Variants in ZNF277 observed in about 807,000 individuals in gnomAD.
ZNF277 encodes the protein zinc finger protein 277.
A neutral mutation model predicts 60.7 loss-of-function variants in ZNF277; 55 were observed. That is an observed-to-expected ratio of 0.91 (90% CI 0.73 to 1.13). The LOEUF (loss-of-function observed/expected upper bound fraction) is 1.13. Ranked by LOEUF, ZNF277 falls within the 50% of genes most tolerant of loss-of-function variation. The probability of loss-of-function intolerance (pLI) is 0.00; values close to 1 mark genes in which losing one functional copy is unlikely to be tolerated. For missense variants in ZNF277, 510 were observed against 523.0 expected (o/e 0.98, Z 0.24); for synonymous variants, 178 against 179.3 (o/e 0.99, Z 0.06).
chr7:112,218,216 A>T (rs1821937180), intron 1 of ZNF277, among the ~76,000 whole-genome samples: 1 of 152,234 alleles, frequency 6.6e-6, no homozygotes, highest in African/African-American at 2.4e-5. Context: ...AAGGAATGAC[A>T]AGATCAAAGT....
chr7:112,251,265 C>G (rs541894544), intron 1 of ZNF277, among the ~76,000 whole-genome samples: 1 of 152,224 alleles, frequency 6.6e-6, no homozygotes, highest in Non-Finnish European at 1.5e-5. Context: ...GCCTAAGATC[C>G]AAGGAGCCTC....
chr7:112,302,188 G>A (rs1339694343), intron 4 of ZNF277, among the ~76,000 whole-genome samples: 4 of 151,876 alleles, frequency 2.6e-5, no homozygotes, highest in East Asian at 1.9e-4. Flanking sequence ...AAGTTTTAAC[G>A]TATATAACAA....
intron 2 of ZNF277, among the ~76,000 whole-genome samples, chr7:112,295,650 A>C (rs542557056): frequency 6.6e-6 from 1 of 152,212 alleles, no homozygotes; most frequent in South Asian, 2.1e-4. Flanking sequence ...AGTCATTTTC[A>C]TGCCCTTACA....
At chr7:112,286,346 C>A (rs974469359) in intron 1 of ZNF277, among the ~76,000 whole-genome samples, 3 of 152,158 alleles carry the variant, frequency 2.0e-5, no homozygotes, top group Non-Finnish European at 2.9e-5. Context: ...GTCTACCCAG[C>A]GTGAGAGCTT....
At chr7:112,335,014 A>G (rs1793303130) in intron 7 of ZNF277, among the ~76,000 whole-genome samples, 1 of 152,188 alleles carries the variant, frequency 6.6e-6, no homozygotes, top group African/African-American at 2.4e-5. Context: ...TGCATCATTT[A>G]GCTGATAATG....
rs185194702 is a variant in ZNF277, at chr7:112,265,572, G to A, written c.92-21301G>A. On this transcript the variant is annotated intron_variant, in intron 1 of 11. Coordinates refer to ENST00000361822, the MANE Select transcript of ZNF277 (RefSeq NM_021994.3). ...TGACAGAGAGATACAAAGTGAGCAC[G>A]TGCTGTTGGGGAAAAATGGCACCAA... Among the ~76,000 whole-genome samples, 311 of 152,272 alleles carry A rather than the reference G, an allele frequency of 2.0e-3. 1 individual carries two copies. Among genetic ancestry groups the A allele is most frequent in the African/African-American group, 7.0e-3 (291 of 41,560 alleles).
chr7:112,310,728 T>C (rs1311323554), intron 4 of ZNF277, among the ~76,000 whole-genome samples: 1 of 152,004 alleles, frequency 6.6e-6, no homozygotes, highest in Non-Finnish European at 1.5e-5. Context: ...GCCACTGCTA[T>C]AATTTTCATG....
At chr7:112,308,284 G>T in intron 4 of ZNF277, among the ~76,000 whole-genome samples, 1 of 152,000 alleles carries the variant, frequency 6.6e-6, no homozygotes, top group African/African-American at 2.4e-5. Flanking sequence ...GGGAGGCGAG[G>T]CGGGCAGATC....
rs1328109631 is a variant in ZNF277 at position 112,286,865 on chromosome 7, T to G, written c.92-8T>G. ...TCTTTTTTTTTTTTTTTTTTTGGTC[T>G]ATTCCAGACAGTAAGGATTGTATCC... On this transcript the variant is annotated splice_polypyrimidine_tract_variant and splice_region_variant and intron_variant, in intron 1 of 11. Transcript: ENST00000361822. The G allele has an allele frequency of 6.2e-6, 9 of 1,441,056 alleles. No individual in the cohort carries two copies. The highest frequency in any genetic ancestry group is 1.4e-5 in the African/African-American group (1 of 69,242). The allele number at this position is 1,441,056 out of a possible 1,614,324, so 89.3% of individuals were successfully genotyped here.
At chr7:112,273,765 G>T (rs971400802) in intron 1 of ZNF277, among the ~76,000 whole-genome samples, 1 of 152,104 alleles carries the variant, frequency 6.6e-6, no homozygotes, top group African/African-American at 2.4e-5. Flanking sequence ...AAAAAAAAAT[G>T]TGGTTATTTG....
chr7:112,301,167 G>A (rs1307614365), intron 4 of ZNF277, among the ~76,000 whole-genome samples: 2 of 151,670 alleles, frequency 1.3e-5, no homozygotes, highest in Non-Finnish European at 2.9e-5. Context: ...TGCTTCCCGG[G>A]GTCAAGTGAT....
intron 1 of ZNF277, among the ~76,000 whole-genome samples, chr7:112,265,323 G>A (rs566597735): frequency 6.6e-6 from 1 of 152,212 alleles, no homozygotes; most frequent in African/African-American, 2.4e-5. Flanking sequence ...GAATATCATT[G>A]TGTCTCAGGG....
intron 1 of ZNF277, among the ~76,000 whole-genome samples, chr7:112,258,888 A>G (rs1344246202): frequency 2.0e-5 from 3 of 150,242 alleles, no homozygotes; most frequent in Admixed American, 1.3e-4. Flanking sequence ...TTGTGACATT[A>G]AAAAAAAACA....
chr7:112,256,893 C>T lies in ZNF277; in HGVS notation c.92-29980C>T, dbSNP rs901348202. 2.6e-5 allele frequency among the ~76,000 whole-genome samples: 4 copies of T among 152,096 alleles called. 1 individual carries two copies. The South Asian group carries it at 8.3e-4, about 32-fold the overall frequency. ...CTTTCTTCTCTTTGCATTTTCATAC[C>T]CGTCCAAAATTCAAAACACTGGGGA... On this transcript the variant is annotated intron_variant, in intron 1 of 11. Transcript: ENST00000361822.
chr7:112,304,768 T>C (rs2117090705), intron 4 of ZNF277, among the ~76,000 whole-genome samples: 1 of 152,304 alleles, frequency 6.6e-6, no homozygotes, highest in East Asian at 1.9e-4. Context: ...GTTGGTGTTA[T>C]GTCTTTAGCC....
Position 112,278,011 on chromosome 7 carries a change from CAA to C in ZNF277, c.92-8860_92-8859del, listed in dbSNP as rs559997201. On this transcript the variant is annotated intron_variant, in intron 1 of 11. Transcript: ENST00000361822. ...ATTGCATTCTCCATAGTGGTAGTTCCAAATCTTTTCCCCTTTTTTTAACCTTT... is the reference window on the plus strand; with the variant it reads ...ATTGCATTCTCCATAGTGGTAGTTCCATCTTTTCCCCTTTTTTTAACCTTT... Among the ~76,000 whole-genome samples the C allele has an allele frequency of 1.6e-3, 239 of 152,200 alleles. 2 individuals carry two copies. Among genetic ancestry groups the C allele is most frequent in the African/African-American group, 5.5e-3 (230 of 41,512 alleles).
chr7:112,298,443 C>T (rs941917476), intron 4 of ZNF277, among the ~76,000 whole-genome samples: 4 of 151,978 alleles, frequency 2.6e-5, no homozygotes, highest in African/African-American at 4.8e-5. Context: ...AAGTCTACTC[C>T]GGCTTAGATA....
intron 5 of ZNF277, among the ~76,000 whole-genome samples, chr7:112,323,423 C>G (rs973050816): frequency 5.9e-5 from 9 of 152,152 alleles, no homozygotes; most frequent in African/African-American, 1.9e-4. Context: ...TGAATCATGT[C>G]AAATAAAGAC....
intron 1 of ZNF277, among the ~76,000 whole-genome samples, chr7:112,269,171 G>A (rs768311512): frequency 1.1e-4 from 16 of 150,454 alleles, no homozygotes; most frequent in Admixed American, 4.0e-4. Context: ...CCTAGGATGC[G>A]TTATCAAATT....
Sources: gnomAD v4.1 joint callset for allele counts (sites outside exome capture counted in the v4.1 genomes callset) on GRCh38, gnomAD v4.1.1 for gene constraint, MANE v1.5 for transcripts, NCBI Gene and HGNC (gene_info 2026-07-23, HGNC 2026-07-21) for gene names.